Variants in STARD13 observed in about 807,000 individuals in gnomAD.
STARD13 encodes the protein StAR related lipid transfer domain containing 13.
Under a neutral mutation model 106.4 loss-of-function variants are expected in STARD13, and 62 were observed. The observed-to-expected ratio is 0.58, with a 90% CI of 0.48 to 0.72. STARD13 has a LOEUF of 0.72. Among genes scored for constraint, STARD13 ranks in the 30% least tolerant of loss-of-function variants. STARD13 has a pLI of 0.00. For missense variants in STARD13, 1,387 were observed against 1,424.0 expected (o/e 0.97, Z 0.42); for synonymous variants, 565 against 553.0 (o/e 1.02, Z -0.31).
At chr13:33,597,390 C>A in the STARD13 span, among the ~76,000 whole-genome samples, 1 of 147,406 alleles carries the variant, frequency 6.8e-6, no homozygotes, top group Admixed American at 6.8e-5. Flanking sequence ...TTGGGTTTCT[C>A]TTTTTTTTTT....
the STARD13 span, among the ~76,000 whole-genome samples, chr13:33,442,250 GA>G: frequency 1.3e-5 from 2 of 152,150 alleles, no homozygotes; most frequent in East Asian, 3.8e-4. Context: ...AATTGCTGCC[GA>G]AAAATTTAAG....
intron 7 of STARD13, among the ~76,000 whole-genome samples, chr13:33,119,812 GCA>G (rs1875989284): frequency 6.6e-6 from 1 of 152,148 alleles, no homozygotes. Flanking sequence ...TCTAGAAAAT[GCA>G]CAGTTTTGCC....
the STARD13 span, among the ~76,000 whole-genome samples, chr13:33,520,541 C>T: frequency 1.3e-5 from 2 of 152,070 alleles, no homozygotes; most frequent in Non-Finnish European, 2.9e-5. Context: ...TAAACAATAG[C>T]GGCCAGTCTA....
the STARD13 span, chr13:33,610,952 T>C: frequency 6.6e-6 from 1 of 152,218 alleles, no homozygotes; most frequent in East Asian, 1.9e-4. Context: ...TGGCGAGATA[T>C]CAAGATCCAC....
the STARD13 span, among the ~76,000 whole-genome samples, chr13:33,571,689 T>C: frequency 6.6e-6 from 1 of 152,204 alleles, no homozygotes; most frequent in Admixed American, 6.6e-5. Context: ...CCTGTCCCGC[T>C]TTCTAAGAGG....
chr13:33,364,163 C>T, the STARD13 span, among the ~76,000 whole-genome samples: 2 of 152,038 alleles, frequency 1.3e-5, no homozygotes, highest in Non-Finnish European at 2.9e-5. Context: ...CTAATGCTAT[C>T]ATAGATTAAC....
At chr13:33,200,988 T>C (rs1462926796) in intron 1 of STARD13, among the ~76,000 whole-genome samples, 1 of 151,316 alleles carries the variant, frequency 6.6e-6, no homozygotes, top group Non-Finnish European at 1.5e-5. Flanking sequence ...ATTGTGCCAC[T>C]GCACTCCAGC....
At chr13:33,650,057 C>A in the STARD13 span, among the ~76,000 whole-genome samples, 2 of 152,036 alleles carry the variant, frequency 1.3e-5, no homozygotes, top group African/African-American at 2.4e-5. Flanking sequence ...ATGAAACAAA[C>A]CGCAGCCTCA....
At chr13:33,493,004 T>C in the STARD13 span, among the ~76,000 whole-genome samples, 4 of 152,190 alleles carry the variant, frequency 2.6e-5, no homozygotes, top group Admixed American at 6.5e-5. Context: ...GCTTCAAATA[T>C]GACACAACAA....
chr13:33,574,483 C>T, the STARD13 span, among the ~76,000 whole-genome samples: 4 of 152,174 alleles, frequency 2.6e-5, no homozygotes, highest in African/African-American at 9.7e-5. Context: ...TGCCTGTAAT[C>T]CTAACACTTT....
the STARD13 span, among the ~76,000 whole-genome samples, chr13:33,527,746 A>T: frequency 0.23 from 35,161 of 151,688 alleles, 6,770 homozygotes; most frequent in African/African-American, 0.53. Context: ...ATACAAATTT[A>T]AATTTTATAT....
chr13:33,260,915 A>C (rs1890609453), intron 1 of STARD13, among the ~76,000 whole-genome samples: 1 of 152,186 alleles, frequency 6.6e-6, no homozygotes, highest in African/African-American at 2.4e-5. Context: ...CTGAACTCCT[A>C]AGCCACGTCC....
intron 1 of STARD13, among the ~76,000 whole-genome samples, chr13:33,173,049 T>G (rs1884150061): frequency 6.6e-6 from 1 of 152,172 alleles, no homozygotes; most frequent in Non-Finnish European, 1.5e-5. Context: ...AACTGGCCTA[T>G]TTGGTGGGCA....
the STARD13 span, among the ~76,000 whole-genome samples, chr13:33,597,588 C>T: frequency 2.0e-5 from 3 of 151,952 alleles, no homozygotes; most frequent in East Asian, 5.8e-4. Context: ...GCTCACGCCT[C>T]TAATCCCAGC....
chr13:33,426,109 T>C, the STARD13 span, among the ~76,000 whole-genome samples: 461 of 152,320 alleles, frequency 3.0e-3, 2 homozygotes, highest in African/African-American at 0.011. Context: ...TCCTAATCCA[T>C]CCTTATTTTT....
At chr13:33,482,211 A>T in the STARD13 span, among the ~76,000 whole-genome samples, 1 of 152,226 alleles carries the variant, frequency 6.6e-6, no homozygotes, top group Admixed American at 6.5e-5. Flanking sequence ...GGACGTGCAG[A>T]TCAAACAGTA....
chr13:33,262,042 T>C (rs1400561329), intron 1 of STARD13, among the ~76,000 whole-genome samples: 3 of 152,138 alleles, frequency 2.0e-5, no homozygotes, highest in African/African-American at 7.2e-5. Flanking sequence ...TCCTCCCTCT[T>C]AGAAGTGAAG....
the STARD13 span, among the ~76,000 whole-genome samples, chr13:33,642,763 T>C: frequency 1.3e-5 from 2 of 149,862 alleles, no homozygotes; most frequent in Non-Finnish European, 3.0e-5. Flanking sequence ...CTGTGTTTCC[T>C]CAAAGGCCGG....
chr13:33,480,870 G>T, the STARD13 span, among the ~76,000 whole-genome samples: 1 of 152,056 alleles, frequency 6.6e-6, no homozygotes, highest in Non-Finnish European at 1.5e-5. Flanking sequence ...ATCCTGAAAG[G>T]TCTTATCATA....
Sources: gnomAD v4.1 joint callset for allele counts (sites outside exome capture counted in the v4.1 genomes callset) on GRCh38, gnomAD v4.1.1 for gene constraint, MANE v1.5 for transcripts, NCBI Gene and HGNC (gene_info 2026-07-23, HGNC 2026-07-21) for gene names.